The following PSPH variants were observed in gnomAD, a reference collection of about 807,000 sequenced individuals.
PSPH encodes the protein phosphoserine phosphatase, also known as L-3-phosphoserine phosphatase.
PSPH carries 16 observed loss-of-function variants against 23.4 expected under a neutral mutation model. That is an observed-to-expected ratio of 0.68 (90% CI 0.46 to 1.04). The LOEUF (loss-of-function observed/expected upper bound fraction) is 1.04, where lower values mean the gene tolerates loss of function less well. PSPH is among the 50% of genes least tolerant of loss of function. The probability of loss-of-function intolerance (pLI) is 0.00; values close to 1 mark genes in which losing one functional copy is unlikely to be tolerated. For missense variants in PSPH, 223 were observed against 273.7 expected (o/e 0.81, Z 1.31); for synonymous variants, 68 against 99.7 (o/e 0.68, Z 1.89).
At chr7:56,046,583 G>A (rs997996530) in intron 1 of PSPH, among the ~76,000 whole-genome samples, 2 of 152,000 alleles carry the variant, frequency 1.3e-5, no homozygotes, top group East Asian at 3.9e-4. Flanking sequence ...TCAAGGGTTC[G>A]AGACCAGCCT....
intron 3 of PSPH, among the ~76,000 whole-genome samples, chr7:56,024,084 C>A (rs866300540): frequency 1.4e-4 from 22 of 151,996 alleles, no homozygotes; most frequent in African/African-American, 4.8e-4. Flanking sequence ...CCTGCCACCA[C>A]GCCCGGCTAA....
rs923557636 is a variant in PSPH at position 56,045,901 on chromosome 7, A to AG, written c.-292+5236_-292+5237insC. On this transcript the variant is annotated intron_variant, in intron 1 of 7. Coordinates refer to ENST00000275605, the MANE Select transcript of PSPH (RefSeq NM_004577.4). ...GACTTTGTCTCAAAAAAAAAAAAAA[A>AG]AAAGAAAGAAACAAGTCTCCTGTGT... Among the ~76,000 whole-genome samples the AG allele has an allele frequency of 3.8e-4, 58 of 151,434 alleles. 2 individuals carry two copies. Among genetic ancestry groups the AG allele is most frequent in the African/African-American group, 1.3e-3 (52 of 41,362 alleles).
At chr7:56,047,669 C>CTTT (rs1197894960) in intron 1 of PSPH, among the ~76,000 whole-genome samples, 7 of 138,490 alleles carry the variant, frequency 5.1e-5, no homozygotes, top group Admixed American at 1.5e-4. Flanking sequence ...GAATAACCTG[C>CTTT]TTTTTTTTTT....
intron 1 of PSPH, among the ~76,000 whole-genome samples, chr7:56,041,209 CTTTTTTTTTTTT>C (rs1163943212): frequency 1.5e-5 from 2 of 130,404 alleles, no homozygotes; most frequent in African/African-American, 2.9e-5. Context: ...CTCTCTCTCT[CTTTTTTTTTTTT>C]TTTTTTTTTG....
chr7:56,037,997 G>C (rs1244122786), intron 1 of PSPH, among the ~76,000 whole-genome samples: 1 of 151,678 alleles, frequency 6.6e-6, no homozygotes, highest in Non-Finnish European at 1.5e-5. Flanking sequence ...ACAAGAGTGA[G>C]CCACCGTGCC....
At chr7:56,035,264 C>G (rs375511648) in intron 1 of PSPH, among the ~76,000 whole-genome samples, 36 of 152,110 alleles carry the variant, frequency 2.4e-4, no homozygotes, top group African/African-American at 8.2e-4. Flanking sequence ...TTGCTTGAAC[C>G]CGGGTGGGGG....
At chr7:56,034,920 T>TG (rs148497790) in intron 1 of PSPH, among the ~76,000 whole-genome samples, 6,161 of 150,412 alleles carry the variant, frequency 0.041, 241 homozygotes, top group African/African-American at 0.097. Context: ...TAAATAGAGA[T>TG]GGGGGGGGGT....
chr7:56,036,496 G>A (rs536525793), intron 1 of PSPH, among the ~76,000 whole-genome samples: 1 of 151,862 alleles, frequency 6.6e-6, no homozygotes, highest in African/African-American at 2.4e-5. Context: ...GGGTGTGGTG[G>A]TGCATGCCTA....
At position 56,017,315 on chromosome 7, in the gene PSPH, T is replaced by A. The variant is rs538406648; in HGVS notation, c.340A>T (p.Ser114Cys). Residue 114 changes from serine to cysteine, a missense_variant, in exon 6 of 8, where the codon AGT (serine) becomes TGT (cysteine). By Grantham distance (112) the Ser-to-Cys change is moderately radical. Transcript: ENST00000275605. ...TTTGAAGCAACATGCTCTACAATAC[T>A]CCTAAAGCCACCAGATATTAGGAAA... Reference protein sequence around the residue: ...QVFLISGGFRSIVEHVASKLN... With the variant: ...QVFLISGGFRCIVEHVASKLN... 1.2e-6 allele frequency: 2 copies of A among 1,612,256 alleles called. No homozygotes were observed. Among genetic ancestry groups the A allele is most frequent in the Non-Finnish European group, 1.7e-6 (2 of 1,179,476 alleles).
At chr7:56,020,784 A>G (rs1463805031) in intron 4 of PSPH, among the ~76,000 whole-genome samples, 1 of 152,190 alleles carries the variant, frequency 6.6e-6, no homozygotes, top group Non-Finnish European at 1.5e-5. Context: ...CTAAGGTCAC[A>G]CTTTCAACCA....
chr7:56,016,577 G>GA (rs1554347340), intron 6 of PSPH, among the ~76,000 whole-genome samples: 1 of 149,666 alleles, frequency 6.7e-6, no homozygotes, highest in African/African-American at 2.5e-5. Context: ...TCTCTGTCTT[G>GA]TTTTTTTTTA....
Position 56,019,161 on chromosome 7 carries a change from G to A in PSPH, c.275+439C>T, listed in dbSNP as rs542728100. 1.5e-3 allele frequency among the ~76,000 whole-genome samples: 224 copies of A among 152,150 alleles called. 3 individuals are homozygous for A. Among genetic ancestry groups the A allele is most frequent in the African/African-American group, 5.2e-3 (215 of 41,506 alleles). ...CTGACTCTAAAAAAAATAATAATAG[G>A]CCGGGTGCAGTGGCTCACAGCTATA... On this transcript the variant is annotated intron_variant, in intron 5 of 7. Transcript: ENST00000275605.
intron 1 of PSPH, among the ~76,000 whole-genome samples, chr7:56,042,018 T>G (rs1201556656): frequency 6.7e-6 from 1 of 149,752 alleles, no homozygotes; most frequent in African/African-American, 2.5e-5. Context: ...AGGTCAGGAG[T>G]TCGAGACCAG....
At chr7:56,041,792 T>C (rs1189217592) in intron 1 of PSPH, among the ~76,000 whole-genome samples, 1 of 151,816 alleles carries the variant, frequency 6.6e-6, no homozygotes, top group Non-Finnish European at 1.5e-5. Context: ...GGTGTGGTAG[T>C]GCATGCCTGC....
intron 2 of PSPH, chr7:56,033,329 C>G (rs1397385116): frequency 1.3e-5 from 2 of 151,484 alleles, no homozygotes; most frequent in African/African-American, 2.4e-5. Flanking sequence ...GAAACCCTGT[C>G]TCTACTAAAA....
chr7:56,024,027 C>T (rs553544994), intron 3 of PSPH, among the ~76,000 whole-genome samples: 5 of 151,682 alleles, frequency 3.3e-5, no homozygotes, highest in South Asian at 2.1e-4. Context: ...CCCGGGTTCA[C>T]GCCATTCTCC....
chr7:56,041,423 G>C (rs1792527378), intron 1 of PSPH, among the ~76,000 whole-genome samples: 1 of 151,686 alleles, frequency 6.6e-6, no homozygotes. Context: ...ATGTTGGCCA[G>C]GATGGTCTCG....
intron 1 of PSPH, among the ~76,000 whole-genome samples, chr7:56,047,158 A>AG (rs1256033501): frequency 6.6e-6 from 1 of 151,956 alleles, no homozygotes; most frequent in Non-Finnish European, 1.5e-5. Context: ...CTGAGGCAGG[A>AG]GGACTGCTTG....
intron 1 of PSPH, among the ~76,000 whole-genome samples, chr7:56,046,344 G>A (rs534749660): frequency 1.3e-5 from 2 of 152,032 alleles, no homozygotes; most frequent in South Asian, 2.1e-4. Flanking sequence ...CTCCATGATG[G>A]TCAGGCTGGT....
Sources: gnomAD v4.1 joint callset for allele counts (sites outside exome capture counted in the v4.1 genomes callset) on GRCh38, gnomAD v4.1.1 for gene constraint, MANE v1.5 for transcripts, NCBI Gene and HGNC (gene_info 2026-07-23, HGNC 2026-07-21) for gene names.